The following NUP214 variants were observed in gnomAD, a reference collection of about 807,000 sequenced individuals.
NUP214 encodes the protein nuclear pore complex protein Nup214.
NUP214 carries 79 observed loss-of-function variants against 196.2 expected under a neutral mutation model. The ratio of observed to expected loss-of-function variants is 0.40; its 90% CI spans 0.34 to 0.49. The LOEUF (loss-of-function observed/expected upper bound fraction) is 0.49, where lower values mean the gene tolerates loss of function less well. Ranked by LOEUF, NUP214 falls within the 20% of genes least tolerant of loss-of-function variation. The pLI is 0.58. For synonymous variants in NUP214, 1,020 were observed against 990.5 expected (o/e 1.03, Z -0.56); for missense variants, 2,468 against 2,539.0 (o/e 0.97, Z 0.60).
rs28594669 is a variant in NUP214 at position 131,198,269 on chromosome 9, G to C, written c.4775G>C (p.Gly1592Ala). 2,836 of 1,614,122 alleles carry C rather than the reference G, an allele frequency of 1.8e-3. 34 individuals carry two copies. The African/African-American group carries it at 0.029, about 17-fold the overall frequency. ...VPPASSFSVP[G>A]QTAVTAAAIS... ...CCTGCTTCCTCCTTTTCTGTGCCTG[G>C]GCAGACTGCTGTCACAGCAGCTGCT... Residue 1592 changes from glycine to alanine, a missense_variant, in exon 29 of 36, where the codon GGG becomes GCG. Gly to Ala is a moderately conservative substitution (Grantham distance 60). Coordinates refer to ENST00000359428, the MANE Select transcript of NUP214 (RefSeq NM_005085.4).
intron 31 of NUP214, among the ~76,000 whole-genome samples, chr9:131,218,906 C>T (rs1269936673): frequency 6.6e-6 from 1 of 152,116 alleles, no homozygotes; most frequent in Non-Finnish European, 1.5e-5. Flanking sequence ...TCCCTCACTT[C>T]CTCCAGGTTC....
At chr9:131,178,258 T>C in intron 23 of NUP214, 53 bp from the exon 24 acceptor site, 1 of 1,447,696 alleles carries the variant, frequency 6.9e-7, no homozygotes, top group East Asian at 2.3e-5. Flanking sequence ...GGCTAGAACT[T>C]TTTATCCTTT....
In NUP214 at chr9:131,233,708, C is replaced by T. The variant is rs760744042; in HGVS notation, c.*221C>T. 5.9e-5 allele frequency: 34 copies of T among 580,754 alleles called. No individual in the cohort carries two copies. The highest frequency in any genetic ancestry group is 1.5e-4 in the African/African-American group (8 of 54,138). 36.0% of individuals were successfully genotyped at this position (580,754 alleles called of 1,614,324 possible). On this transcript the variant is annotated 3_prime_UTR_variant, in exon 36 of 36. Coordinates refer to ENST00000359428, the MANE Select transcript of NUP214 (RefSeq NM_005085.4). Reference sequence around the variant, plus strand: ...TTAAACAGTCTGTTTCCGTACAGAACGTATGTGGGTTTTTTCAGATCACAG... The same window carrying T: ...TTAAACAGTCTGTTTCCGTACAGAATGTATGTGGGTTTTTTCAGATCACAG...
At chr9:131,194,378 T>G (rs1053368536) in intron 27 of NUP214, among the ~76,000 whole-genome samples, 3 of 151,996 alleles carry the variant, frequency 2.0e-5, no homozygotes, top group Non-Finnish European at 2.9e-5. Context: ...TGGGGGTTTT[T>G]GTTTTTGTTT....
chr9:131,150,553 G>T lies in NUP214; in HGVS notation c.2128-63G>T, dbSNP rs774745741. 4.4e-6 allele frequency: 7 copies of T among 1,593,030 alleles called. No homozygotes were observed. In the South Asian group the frequency reaches 4.5e-5, roughly 10 times the overall value. ...AGCAGTCTGAGCAGTTAGTAAGCAC[G>T]ATAGCAGTGACATTACTGTTTGTCC... On this transcript the variant is annotated intron_variant, in intron 15 of 35. Transcript: ENST00000359428.
At position 131,198,180 on chromosome 9, in the gene NUP214, A is replaced by G. The variant is rs35446363; in HGVS notation, c.4686A>G (p.Ala1562=). 1.2e-5 allele frequency: 19 copies of G among 1,614,064 alleles called. No individual in the cohort carries two copies. The highest frequency in any genetic ancestry group is 1.6e-5 in the Non-Finnish European group (19 of 1,180,038). ...GTAASSTSLV[A]LSAEATPATT... ...CAGCATCTAGTACTAGTCTTGTAGC[A>G]CTTTCTGCAGAGGCTACCCCAGCCA... The change falls in exon 29 of 36, where the codon GCA becomes GCG. Residue 1562 remains alanine, a synonymous_variant. Transcript: ENST00000359428.
chr9:131,144,440 T>C lies in NUP214; in HGVS notation c.1455T>C (p.Gly485=), dbSNP rs757712340. Reference sequence around the variant, plus strand: ...GAGCCCCCACTGTGTTCTCCTTTGGTTCTTCATCTTTGAAGTCATCTGCTA... The same window carrying C: ...GAGCCCCCACTGTGTTCTCCTTTGGCTCTTCATCTTTGAAGTCATCTGCTA... The part of the protein sequence containing the change: ...AGGAPTVFSF[G]SSSLKSSATV... Residue 485 remains glycine (G), a synonymous_variant, in exon 12 of 36, where the codon GGT becomes GGC. Coordinates refer to ENST00000359428, the MANE Select transcript of NUP214 (RefSeq NM_005085.4). 5.0e-6 allele frequency: 8 copies of C among 1,614,058 alleles called. No individual in the cohort carries two copies. The highest frequency in any genetic ancestry group is 6.8e-6 in the Non-Finnish European group (8 of 1,180,032).
chr9:131,174,447 C>CTTTTTTTTTTT (rs1299530269), intron 22 of NUP214, 129 bp downstream of exon 22: 6 of 350,278 alleles, frequency 1.7e-5, no homozygotes, highest in Admixed American at 8.0e-5. Flanking sequence ...TTTTTTTTTT[C>CTTTTTTTTTTT]TTTTTTTCTT....
In NUP214 at chr9:131,132,678, A is replaced by G. The variant is rs1831592666; in HGVS notation, c.727+19A>G. On this transcript the variant is annotated intron_variant, in intron 6 of 35. Transcript: ENST00000359428. ...GTCAGAGGTAACAACTGCTTTTCTT[A>G]TTGGGCTGACCTCTAATGACATGTT... The G allele has an allele frequency of 1.2e-5, 20 of 1,605,704 alleles. No individual in the cohort carries two copies. The highest frequency in any genetic ancestry group is 1.5e-5 in the Non-Finnish European group (18 of 1,172,354).
chr9:131,209,159 G>A (rs1161892103), intron 30 of NUP214, among the ~76,000 whole-genome samples: 1 of 152,138 alleles, frequency 6.6e-6, no homozygotes, highest in Non-Finnish European at 1.5e-5. Context: ...GATTGCTTGA[G>A]CTCAGGAGTT....
intron 21 of NUP214, among the ~76,000 whole-genome samples, chr9:131,168,035 C>G (rs1393996194): frequency 6.6e-6 from 1 of 152,154 alleles, no homozygotes; most frequent in Non-Finnish European, 1.5e-5. Flanking sequence ...TAGGCACAGG[C>G]CAGGCCACCA....
chr9:131,172,015 C>T (rs1365392238), intron 21 of NUP214, among the ~76,000 whole-genome samples: 3 of 152,014 alleles, frequency 2.0e-5, no homozygotes, highest in Non-Finnish European at 2.9e-5. Context: ...AATAAACATA[C>T]GTATGCATGT....
At chr9:131,150,577 C>T (rs201108790) in intron 15 of NUP214, 39 bp from the exon 16 acceptor site, 1 of 1,605,068 alleles carries the variant, frequency 6.2e-7, no homozygotes, top group Non-Finnish European at 8.5e-7. Flanking sequence ...TACTGTTTGT[C>T]CTTCAGACTG....
chr9:131,169,326 G>A (rs997158102), intron 21 of NUP214, among the ~76,000 whole-genome samples: 1 of 151,918 alleles, frequency 6.6e-6, no homozygotes, highest in African/African-American at 2.4e-5. Flanking sequence ...GAGCCACCAC[G>A]CCCAGCCTCT....
intron 12 of NUP214, among the ~76,000 whole-genome samples, chr9:131,145,688 T>C (rs1367698631): frequency 6.6e-6 from 1 of 152,174 alleles, no homozygotes; most frequent in African/African-American, 2.4e-5. Flanking sequence ...CCAAAGACAG[T>C]TCCCTGCATT....
chr9:131,158,233 C>T (rs1425133766), intron 17 of NUP214, among the ~76,000 whole-genome samples: 1 of 152,118 alleles, frequency 6.6e-6, no homozygotes, highest in Non-Finnish European at 1.5e-5. Context: ...CATGCATCAC[C>T]CTGCCCAGCT....
At chr9:131,192,041 G>C in intron 26 of NUP214, 167 bp from the exon 27 acceptor site, 1 of 476,636 alleles carries the variant, frequency 2.1e-6, no homozygotes, top group Non-Finnish European at 3.7e-6. Flanking sequence ...ACACAAGTGA[G>C]GCAACGTGCT....
rs759432737 is a variant in NUP214, at chr9:131,133,148, T to C, written c.770T>C (p.Val257Ala). Residue 257 changes from valine to alanine, a missense_variant, in exon 7 of 36, where the codon GTG becomes GCG. By Grantham distance (64) the Val-to-Ala change is moderately conservative. Transcript: ENST00000359428. ...LWIGTYVFAI[V>A]YAAADGTLET... ...ATTGGTACCTACGTCTTCGCCATAG[T>C]GTATGCTGCTGCAGATGGGACCCTG... 5.6e-6 allele frequency: 9 copies of C among 1,608,808 alleles called. No individual in the cohort carries two copies. In the South Asian group the frequency reaches 7.8e-5, roughly 14 times the overall value.
chr9:131,155,734 G>T (rs926350881), intron 17 of NUP214, among the ~76,000 whole-genome samples: 7 of 152,122 alleles, frequency 4.6e-5, no homozygotes, highest in African/African-American at 1.4e-4. Flanking sequence ...GTTGAATAGG[G>T]TGTCCTTCCC....
Sources: allele counts gnomAD v4.1 joint callset (sites outside exome capture counted in the v4.1 genomes callset), GRCh38; gene constraint gnomAD v4.1.1; transcripts MANE v1.5; gene names NCBI Gene and HGNC (gene_info 2026-07-23, HGNC 2026-07-21).